GPC5: variants seen among roughly 807,000 people sequenced by gnomAD.
GPC5 encodes glypican 5, also known as glypican-5.
GPC5 carries 47 observed loss-of-function variants against 53.9 expected under a neutral mutation model. The ratio of observed to expected loss-of-function variants is 0.87; its 90% CI spans 0.69 to 1.11. GPC5 has a LOEUF of 1.11. GPC5 is among the 50% of genes most tolerant of loss of function. GPC5 has a pLI of 0.00. For missense variants in GPC5, 748 were observed against 713.1 expected, an observed-to-expected ratio of 1.05 and a Z score of -0.56; for synonymous variants, 286 against 263.3, an observed-to-expected ratio of 1.09 and a Z score of -0.84.
intron 7 of GPC5, among the ~76,000 whole-genome samples, chr13:92,519,230 G>C (rs1210799397): frequency 1.3e-5 from 2 of 152,146 alleles, no homozygotes; most frequent in Non-Finnish European, 2.9e-5. Context: ...GAGACAGAAA[G>C]TTAATAAGGA....
chr13:92,033,592 T>A (rs1308584719), intron 6 of GPC5, among the ~76,000 whole-genome samples: 1 of 152,238 alleles, frequency 6.6e-6, no homozygotes, highest in African/African-American at 2.4e-5. Flanking sequence ...CAGGCAATAT[T>A]TATATCTTTT....
intron 1 of GPC5, among the ~76,000 whole-genome samples, chr13:91,405,536 G>T (rs1877257130): frequency 6.6e-6 from 1 of 152,160 alleles, no homozygotes; most frequent in Admixed American, 6.5e-5. Context: ...ACGAAACTAG[G>T]TTACACCACT....
At chr13:91,461,886 T>C (rs1318937928) in intron 2 of GPC5, among the ~76,000 whole-genome samples, 1 of 152,102 alleles carries the variant, frequency 6.6e-6, no homozygotes, top group Non-Finnish European at 1.5e-5. Context: ...AGAGTCACAT[T>C]GTGAGTGCTT....
intron 7 of GPC5, among the ~76,000 whole-genome samples, chr13:92,298,129 C>T (rs541193385): frequency 2.6e-4 from 40 of 152,228 alleles, no homozygotes; most frequent in African/African-American, 9.4e-4. Context: ...AGGCCTCACC[C>T]AGCTCCCACA....
At chr13:92,671,819 TG>T (rs1177279622) in intron 7 of GPC5, among the ~76,000 whole-genome samples, 1 of 152,212 alleles carries the variant, frequency 6.6e-6, no homozygotes, top group Non-Finnish European at 1.5e-5. Context: ...TGTAGACGAT[TG>T]AGAGTGGTTT....
At chr13:92,760,782 T>C (rs926959634) in intron 7 of GPC5, among the ~76,000 whole-genome samples, 3 of 152,158 alleles carry the variant, frequency 2.0e-5, no homozygotes, top group Admixed American at 6.5e-5. Flanking sequence ...CTTAATATAT[T>C]TGTTGCTATA....
intron 7 of GPC5, among the ~76,000 whole-genome samples, chr13:92,516,415 T>C (rs1880783912): frequency 6.6e-6 from 1 of 152,280 alleles, no homozygotes; most frequent in African/African-American, 2.4e-5. Context: ...CTAATGCACT[T>C]GATATATTAT....
intron 6 of GPC5, among the ~76,000 whole-genome samples, chr13:92,114,677 G>A (rs2041585959): frequency 6.6e-6 from 1 of 152,034 alleles, no homozygotes; most frequent in East Asian, 1.9e-4. Context: ...AGGTATACCT[G>A]GCCACACAGA....
intron 7 of GPC5, among the ~76,000 whole-genome samples, chr13:92,414,327 A>G (rs9589538): frequency 0.034 from 5,176 of 152,018 alleles, 290 homozygotes; most frequent in African/African-American, 0.12. Context: ...CAACATGGTG[A>G]AACCCCATCT....
chr13:92,758,843 A>G (rs1300577474), intron 7 of GPC5, among the ~76,000 whole-genome samples: 1 of 152,018 alleles, frequency 6.6e-6, no homozygotes, highest in African/African-American at 2.4e-5. Context: ...ATTTTCATCT[A>G]GGAGTTTTAT....
chr13:92,848,529 C>T (rs1018764927), intron 7 of GPC5, among the ~76,000 whole-genome samples: 1 of 149,394 alleles, frequency 6.7e-6, no homozygotes, highest in East Asian at 1.9e-4. Flanking sequence ...CAAAAATAAA[C>T]ATAATTGCAA....
At chr13:92,161,955 C>CTATATATATATATA (rs2041991206) in intron 7 of GPC5, among the ~76,000 whole-genome samples, 1 of 25,508 alleles carries the variant, frequency 3.9e-5, no homozygotes, top group African/African-American at 1.6e-4. Context: ...TAATATATAG[C>CTATATATATATATA]CATATATATA....
chr13:91,936,262 A>G (rs185003305), intron 6 of GPC5, among the ~76,000 whole-genome samples: 3 of 152,112 alleles, frequency 2.0e-5, no homozygotes, highest in East Asian at 1.9e-4. Flanking sequence ...TTCTTCCATC[A>G]TGTGGATCTT....
At chr13:92,782,465 G>A (rs1338672898) in intron 7 of GPC5, among the ~76,000 whole-genome samples, 1 of 152,114 alleles carries the variant, frequency 6.6e-6, no homozygotes, top group African/African-American at 2.4e-5. Context: ...AGCACTGGAA[G>A]AAGGCCTGTC....
At chr13:91,428,754 A>G (rs1158539830) in intron 1 of GPC5, among the ~76,000 whole-genome samples, 1 of 151,868 alleles carries the variant, frequency 6.6e-6, no homozygotes, top group Non-Finnish European at 1.5e-5. Flanking sequence ...TGTTAATGTG[A>G]AGTTTTAAGT....
intron 2 of GPC5, among the ~76,000 whole-genome samples, chr13:91,653,499 G>A (rs1360250346): frequency 1.3e-5 from 2 of 151,806 alleles, no homozygotes; most frequent in African/African-American, 4.8e-5. Flanking sequence ...ATAACTTAAT[G>A]GTACATTTTA....
intron 7 of GPC5, among the ~76,000 whole-genome samples, chr13:92,422,428 A>G (rs1269794893): frequency 6.6e-6 from 1 of 151,664 alleles, no homozygotes; most frequent in African/African-American, 2.4e-5. Context: ...TCAATTTCCT[A>G]CAGTGACCTG....
chr13:91,897,975 T>C (rs1270554619), intron 5 of GPC5, among the ~76,000 whole-genome samples: 1 of 152,162 alleles, frequency 6.6e-6, no homozygotes, highest in African/African-American at 2.4e-5. Context: ...CTATGAGGGA[T>C]AAAATAAAAT....
intron 6 of GPC5, among the ~76,000 whole-genome samples, chr13:91,962,522 A>T (rs946092645): frequency 6.6e-6 from 1 of 152,098 alleles, no homozygotes; most frequent in Non-Finnish European, 1.5e-5. Context: ...AATAGACTTA[A>T]TTGCTAAAAA....
Sources: gnomAD v4.1 joint callset for allele counts (sites outside exome capture counted in the v4.1 genomes callset) on GRCh38, gnomAD v4.1.1 for gene constraint, MANE v1.5 for transcripts, NCBI Gene and HGNC (gene_info 2026-07-23, HGNC 2026-07-21) for gene names.